The following DLEU7 variants were observed in gnomAD, a reference collection of about 807,000 sequenced individuals.
DLEU7 encodes deleted in lymphocytic leukemia 7.
Under a neutral mutation model 16.0 loss-of-function variants are expected in DLEU7, and 17 were observed. That is an observed-to-expected ratio of 1.06 (90% CI 0.73 to 1.59). The LOEUF (loss-of-function observed/expected upper bound fraction) is 1.59, where lower values mean the gene tolerates loss of function less well. DLEU7 is among the 40% of genes most tolerant of loss of function. The pLI is 0.00. For missense variants in DLEU7, 308 were observed against 314.9 expected, an observed-to-expected ratio of 0.98 and a Z score of 0.17; for synonymous variants, 113 against 139.8, an observed-to-expected ratio of 0.81 and a Z score of 1.35.
chr13:50,823,532 AAC>A lies in DLEU7; in HGVS notation c.460-14_460-13del. 6.5e-7 allele frequency: 1 copy of A among 1,534,744 alleles called. No individual in the cohort carries two copies. Among genetic ancestry groups the A allele is most frequent in the South Asian group, 1.2e-5 (1 of 84,040 alleles). On this transcript the variant is annotated splice_polypyrimidine_tract_variant and intron_variant, in intron 1 of 1. Coordinates refer to ENST00000504404, the MANE Select transcript of DLEU7 (RefSeq NM_001306135.2). ...AACTCAACACTATCCTGAAATGAAC[AAC>A]AAACACAAACAAGAAATTAGATAGG...
intron 1 of DLEU7, among the ~76,000 whole-genome samples, chr13:50,772,902 C>A (rs901718404): frequency 3.3e-5 from 5 of 152,324 alleles, no homozygotes; most frequent in African/African-American, 1.2e-4. Flanking sequence ...TTCAGGTACA[C>A]CAATCAAATG....
At chr13:50,722,899 G>A (rs755290003) in intron 1 of DLEU7, among the ~76,000 whole-genome samples, 4 of 152,042 alleles carry the variant, frequency 2.6e-5, no homozygotes, top group Non-Finnish European at 4.4e-5. Context: ...GTACAACCTG[G>A]CAACCAGGAT....
intron 1 of DLEU7, among the ~76,000 whole-genome samples, chr13:50,772,327 T>G (rs1875343006): frequency 6.6e-6 from 1 of 152,214 alleles, no homozygotes; most frequent in Non-Finnish European, 1.5e-5. Context: ...GCTGGTTATT[T>G]TGCCCATTAG....
chr13:50,713,352 A>G (rs1440566637), intron 1 of DLEU7: 1 of 1,319,362 alleles, frequency 7.6e-7, no homozygotes, highest in African/African-American at 1.4e-5. Flanking sequence ...GGCATTAGGT[A>G]CTGGAGATAT....
intron 1 of DLEU7, among the ~76,000 whole-genome samples, chr13:50,770,714 G>T (rs1875276830): frequency 6.6e-6 from 1 of 152,194 alleles, no homozygotes; most frequent in African/African-American, 2.4e-5. Flanking sequence ...GTTCATCAGG[G>T]ATATTGGTCT....
intron 1 of DLEU7, among the ~76,000 whole-genome samples, chr13:50,805,711 C>T (rs114263871): frequency 0.016 from 2,441 of 152,276 alleles, 35 homozygotes; most frequent in South Asian, 0.038. Context: ...TCAGCTTTAT[C>T]GCCTTTCCTT....
At chr13:50,806,795 A>G (rs73186333) in intron 1 of DLEU7, among the ~76,000 whole-genome samples, 1 of 151,936 alleles carries the variant, frequency 6.6e-6, no homozygotes, top group African/African-American at 2.4e-5. Context: ...AGTTGTATTT[A>G]TACTATTCAG....
At chr13:50,776,208 T>A (rs539471399) in intron 1 of DLEU7, among the ~76,000 whole-genome samples, 21 of 152,340 alleles carry the variant, frequency 1.4e-4, no homozygotes, top group African/African-American at 5.1e-4. Flanking sequence ...GATGGTATCA[T>A]TGTATGTTTG....
intron 1 of DLEU7, among the ~76,000 whole-genome samples, chr13:50,787,306 C>T (rs959675209): frequency 2.6e-5 from 4 of 152,146 alleles, no homozygotes; most frequent in Admixed American, 2.6e-4. Flanking sequence ...CATTACTTCT[C>T]CAATCAACAG....
intron 1 of DLEU7, among the ~76,000 whole-genome samples, chr13:50,735,801 A>G (rs1874054048): frequency 6.6e-6 from 1 of 152,192 alleles, no homozygotes; most frequent in Non-Finnish European, 1.5e-5. Flanking sequence ...CAAAACTACA[A>G]TGAATACCGC....
intron 1 of DLEU7, among the ~76,000 whole-genome samples, chr13:50,815,344 GAT>G (rs60503080): frequency 0.035 from 5,327 of 152,170 alleles, 306 homozygotes; most frequent in African/African-American, 0.12. Flanking sequence ...TACACTCAAA[GAT>G]CTTTTAAACC....
chr13:50,843,249 C>G lies in DLEU7; in HGVS notation c.398G>C (p.Ser133Thr), dbSNP rs372095750. The change falls in exon 1 of 2, where the codon AGC becomes ACC. Residue 133 changes from serine to threonine, a missense_variant. Physicochemically the swap from Ser to Thr is moderately conservative, Grantham distance 58 (BLOSUM62 1). Coordinates refer to ENST00000504404, the MANE Select transcript of DLEU7 (RefSeq NM_001306135.2). This position sits in a 1 kb window ranked among gnomAD's most constrained non-coding sequence, Gnocchi z 5.7. The stretch of plus-strand genomic sequence containing the variant: ...GGGCCCCAGCAGCGTCTGCTCCACG[C>G]TGACCAGCTCCGAAGTCGAGTCCAC... ...RVVDSTSELV[S>T]VEQTLLGPLQ... 6.3e-7 allele frequency: 1 copy of G among 1,594,904 alleles called. No homozygotes were observed. The highest frequency in any genetic ancestry group is 8.5e-7 in the Non-Finnish European group (1 of 1,171,064).
At chr13:50,729,899 C>T (rs74619439) in intron 1 of DLEU7, among the ~76,000 whole-genome samples, 6,580 of 151,944 alleles carry the variant, frequency 0.043, 187 homozygotes, top group Non-Finnish European at 0.06. Flanking sequence ...TGTTCTATAA[C>T]TTTGGACTCC....
At position 50,740,055 on chromosome 13, in the gene DLEU7, C is replaced by G. The variant is rs182433929; in HGVS notation, c.460-26815G>C. 3.3e-3 allele frequency among the ~76,000 whole-genome samples: 503 copies of G among 152,194 alleles called. 3 individuals are homozygous for G. The highest frequency in any genetic ancestry group is 0.011 in the African/African-American group (477 of 41,518). On this transcript the variant is annotated intron_variant, in intron 1 of 1. Coordinates refer to the DLEU7 transcript ENST00000400393. ...TTGATTTCTGCTCCATTTCCTTAGT[C>G]CTGACAGGAATTTAAATGTTTCAAG...
chr13:50,788,488 C>T (rs939106156), intron 1 of DLEU7, among the ~76,000 whole-genome samples: 1 of 152,174 alleles, frequency 6.6e-6, no homozygotes, highest in African/African-American at 2.4e-5. Flanking sequence ...GAAAGAACCT[C>T]ATTGTCGAGG....
chr13:50,739,877 G>A (rs893342085), intron 1 of DLEU7, among the ~76,000 whole-genome samples: 1 of 151,994 alleles, frequency 6.6e-6, no homozygotes, highest in African/African-American at 2.4e-5. Context: ...ACTCCCTGTT[G>A]GGGGCATGTA....
chr13:50,740,005 G>A (rs1035081895), intron 1 of DLEU7, among the ~76,000 whole-genome samples: 1 of 152,088 alleles, frequency 6.6e-6, no homozygotes, highest in African/African-American at 2.4e-5. Context: ...TCCCTGCCTT[G>A]TTGTCGAGAC....
At chr13:50,771,255 T>C (rs878907178) in intron 1 of DLEU7, among the ~76,000 whole-genome samples, 1 of 152,212 alleles carries the variant, frequency 6.6e-6, no homozygotes, top group Non-Finnish European at 1.5e-5. Flanking sequence ...TTTTTGTGTC[T>C]CTATCTCCTT....
At chr13:50,822,595 A>G (rs973946112), downstream of DLEU7, 1 of 977,736 alleles carries the variant, frequency 1.0e-6, no homozygotes, top group Non-Finnish European at 1.2e-6. Flanking sequence ...TCCTACTTCA[A>G]TCAGAATATT....
Sources: gnomAD v4.1 joint callset for allele counts (sites outside exome capture counted in the v4.1 genomes callset) on GRCh38, gnomAD v4.1.1 for gene constraint, Gnocchi (gnomAD v3.1) non-coding constraint, MANE v1.5 for transcripts, NCBI Gene and HGNC (gene_info 2026-07-23, HGNC 2026-07-21) for gene names.